Variants in PDE4D observed in about 807,000 individuals in gnomAD.
The protein encoded by PDE4D is 3',5'-cyclic-AMP phosphodiesterase 4D.
A neutral mutation model predicts 87.4 loss-of-function variants in PDE4D; 24 were observed. The observed-to-expected ratio is 0.27, with a 90% CI of 0.20 to 0.39. PDE4D has a LOEUF of 0.39. PDE4D is among the 10% of genes least tolerant of loss of function. The pLI is 1.00. For synonymous variants in PDE4D, 384 were observed against 383.2 expected, an observed-to-expected ratio of 1.00 and a Z score of -0.02; for missense variants, 714 against 1,041.0, an observed-to-expected ratio of 0.69 and a Z score of 4.32.
chr5:60,169,786 T>C (rs1783251785), intron 2 of PDE4D, among the ~76,000 whole-genome samples: 1 of 152,228 alleles, frequency 6.6e-6, no homozygotes, highest in South Asian at 2.1e-4. Flanking sequence ...TTCCCTTTAT[T>C]ACTGCAGAGA....
chr5:59,846,695 A>C (rs1743907062), intron 1 of PDE4D, among the ~76,000 whole-genome samples: 1 of 151,994 alleles, frequency 6.6e-6, no homozygotes. Flanking sequence ...AATGCATATG[A>C]GGAGTAGAGA....
chr5:59,578,515 C>T (rs867407652), intron 1 of PDE4D, among the ~76,000 whole-genome samples: 3 of 152,096 alleles, frequency 2.0e-5, no homozygotes, highest in South Asian at 2.1e-4. Flanking sequence ...TAGAGTAAAA[C>T]GTCTTTTATT....
intron 1 of PDE4D, among the ~76,000 whole-genome samples, chr5:59,335,074 T>C (rs1777435761): frequency 6.6e-6 from 1 of 152,198 alleles, no homozygotes; most frequent in African/African-American, 2.4e-5. Context: ...CTTTACTTCT[T>C]CAATGCATTT....
At chr5:59,687,595 T>C (rs999404662) in intron 1 of PDE4D, among the ~76,000 whole-genome samples, 8 of 152,172 alleles carry the variant, frequency 5.3e-5, no homozygotes, top group Non-Finnish European at 1.2e-4. Flanking sequence ...GAACAACCAG[T>C]ACCAACCACT....
chr5:59,747,127 TTGCCATGACAGATAACGG>T, intron 1 of PDE4D, among the ~76,000 whole-genome samples: 1 of 152,252 alleles, frequency 6.6e-6, no homozygotes, highest in Admixed American at 6.5e-5. Flanking sequence ...AAGCAAGGCC[TTGCCATGACAGATAACGG>T]TGCCCCATAA....
rs187677201 is a variant in PDE4D, at chr5:60,430,149, A to G, written c.-90+57793T>C. 1.1e-3 allele frequency: 597 copies of G among 524,718 alleles called. 3 individuals carry two copies. The highest frequency in any genetic ancestry group is 0.01 in the African/African-American group (543 of 52,110). 32.5% of individuals were successfully genotyped at this position (524,718 alleles called of 1,614,324 possible). A position where few individuals can be genotyped will look rare whatever the true frequency, so the allele number is the denominator to read the frequency against. ...GTTTCCGGAGCTCTTTGAGTGCCTG[A>G]GGGGCACGCTTCTTGAAGCCCACTC... On this transcript the variant is annotated intron_variant, in intron 1 of 16. Coordinates refer to the PDE4D transcript ENST00000502484.
At chr5:60,088,049 C>T (rs980699087) in intron 2 of PDE4D, among the ~76,000 whole-genome samples, 4 of 151,964 alleles carry the variant, frequency 2.6e-5, no homozygotes, top group Admixed American at 2.0e-4. Flanking sequence ...TGGCTTTCAG[C>T]GGATTTCTCA....
intron 1 of PDE4D, among the ~76,000 whole-genome samples, chr5:59,291,843 G>A (rs745623226): frequency 6.7e-6 from 1 of 150,254 alleles, no homozygotes; most frequent in Non-Finnish European, 1.5e-5. Flanking sequence ...CTTTTGGGGA[G>A]AAACACAGCC....
chr5:59,625,955 G>T (rs1830851676), intron 1 of PDE4D, among the ~76,000 whole-genome samples: 1 of 152,154 alleles, frequency 6.6e-6, no homozygotes, highest in Non-Finnish European at 1.5e-5. Context: ...AGGCGTGGTG[G>T]CGGGCGCCTG....
intron 1 of PDE4D, among the ~76,000 whole-genome samples, chr5:59,524,201 G>A (rs1812692004): frequency 6.6e-6 from 1 of 152,202 alleles, no homozygotes; most frequent in Non-Finnish European, 1.5e-5. Flanking sequence ...GTGGGAAAAT[G>A]TGCAACTTCC....
chr5:59,173,047 G>GACA (rs1783268356), intron 5 of PDE4D, among the ~76,000 whole-genome samples: 1 of 152,112 alleles, frequency 6.6e-6, no homozygotes, highest in Non-Finnish European at 1.5e-5. Context: ...ACCAAAATTA[G>GACA]ACAACTACTA....
At chr5:59,592,775 T>A (rs1826090576) in intron 1 of PDE4D, among the ~76,000 whole-genome samples, 1 of 151,844 alleles carries the variant, frequency 6.6e-6, no homozygotes, top group Non-Finnish European at 1.5e-5. Context: ...AGTGGAAAAA[T>A]GTTCACAGCA....
chr5:59,065,619 A>T (rs1042898269), intron 5 of PDE4D, among the ~76,000 whole-genome samples: 6 of 152,172 alleles, frequency 3.9e-5, no homozygotes, highest in Non-Finnish European at 7.3e-5. Context: ...ATCTTGCAGA[A>T]TAAACATATT....
chr5:60,181,961 C>T (rs1199180051), intron 2 of PDE4D, among the ~76,000 whole-genome samples: 1 of 151,958 alleles, frequency 6.6e-6, no homozygotes, highest in Non-Finnish European at 1.5e-5. Flanking sequence ...CCTTTCCTTC[C>T]CTCCCCTGAT....
At chr5:59,451,073 A>C (rs187592694) in intron 1 of PDE4D, among the ~76,000 whole-genome samples, 2 of 152,252 alleles carry the variant, frequency 1.3e-5, no homozygotes, top group East Asian at 3.9e-4. Context: ...AACCCACTTC[A>C]ATCTGGTTTA....
rs530242013 is a variant in PDE4D at position 60,084,423 on chromosome 5, C to T, written c.43-95706G>A. ...GTGTGTGTGCGCGCGCGCGTGTGCG[C>T]ATGCGCACGCATGTGTGTGAGAGAA... On this transcript the variant is annotated intron_variant, in intron 2 of 16. Coordinates refer to the PDE4D transcript ENST00000502484. Among the ~76,000 whole-genome samples the T allele has an allele frequency of 3.9e-5, 6 of 151,914 alleles. No individual in the cohort carries two copies. The East Asian group carries it at 1.2e-3, about 29-fold the overall frequency.
intron 1 of PDE4D, among the ~76,000 whole-genome samples, chr5:59,306,732 A>T (rs1771460785): frequency 6.7e-6 from 1 of 148,240 alleles, no homozygotes; most frequent in African/African-American, 2.5e-5. Flanking sequence ...ATGGAAGAAC[A>T]TTCCATGCTC....
intron 1 of PDE4D, among the ~76,000 whole-genome samples, chr5:60,361,867 C>G (rs1362949034): frequency 6.6e-6 from 1 of 152,104 alleles, no homozygotes; most frequent in Admixed American, 6.6e-5. Context: ...TCTTAGTCCA[C>G]AGTAATTGAT....
intron 5 of PDE4D, among the ~76,000 whole-genome samples, chr5:59,168,012 A>C (rs766911214): frequency 6.6e-6 from 1 of 152,214 alleles, no homozygotes; most frequent in Admixed American, 6.5e-5. Flanking sequence ...TGTGTGGCAT[A>C]TAGAATACAG....
Sources: gnomAD v4.1 joint callset for allele counts (sites outside exome capture counted in the v4.1 genomes callset) on GRCh38, gnomAD v4.1.1 for gene constraint, MANE v1.5 for transcripts, NCBI Gene and HGNC (gene_info 2026-07-23, HGNC 2026-07-21) for gene names.